Variants in GPN3 observed in about 807,000 individuals in gnomAD.
GPN3 encodes the protein GPN-loop GTPase 3, also known as ATP-binding domain 1 family member C.
A neutral mutation model predicts 38.7 loss-of-function variants in GPN3; 31 were observed. The observed-to-expected ratio is 0.80, with a 90% confidence interval of 0.60 to 1.08. The LOEUF (loss-of-function observed/expected upper bound fraction) is 1.08, where lower values mean the gene tolerates loss of function less well. Ranked by LOEUF, GPN3 falls within the 50% of genes least tolerant of loss-of-function variation. The pLI is 0.00. For synonymous variants in GPN3, 116 were observed against 120.2 expected, an observed-to-expected ratio of 0.96 and a Z score of 0.23; for missense variants, 301 against 354.4, an observed-to-expected ratio of 0.85 and a Z score of 1.21.
At chr12:110,454,388 CTTT>C (rs762868668) in intron 6 of GPN3, among the ~76,000 whole-genome samples, 3 of 134,974 alleles carry the variant, frequency 2.2e-5, no homozygotes, top group African/African-American at 2.7e-5. Context: ...CTTTTTTTTT[CTTT>C]TTTTTTTTTT....
chr12:110,467,541 G>C (rs954705537), intron 1 of GPN3, among the ~76,000 whole-genome samples: 2 of 152,174 alleles, frequency 1.3e-5, no homozygotes, highest in Non-Finnish European at 2.9e-5. Context: ...GAAAAGACCT[G>C]GGGATTAAAG....
rs117293501 is a variant in GPN3, at chr12:110,467,416, C to T, written c.48+740G>A. ...TATCCCTACTGTAAACTGAAAACCACTTATATTTGACATAACGTGAAATTA... is the reference window on the plus strand; with the variant it reads ...TATCCCTACTGTAAACTGAAAACCATTTATATTTGACATAACGTGAAATTA... On this transcript the variant is annotated intron_variant, in intron 1 of 7. Transcript: ENST00000228827. 1.2e-4 allele frequency among the ~76,000 whole-genome samples: 18 copies of T among 152,244 alleles called. No individual in the cohort carries two copies. In the East Asian group the frequency reaches 3.3e-3, roughly 28 times the overall value.
At chr12:110,460,974 T>A in intron 2 of GPN3, 1 of 1,278,578 alleles carries the variant, frequency 7.8e-7, no homozygotes, top group East Asian at 2.3e-5. Flanking sequence ...ACTTTCCAAC[T>A]TGGACCCAGC....
intron 1 of GPN3, among the ~76,000 whole-genome samples, chr12:110,467,723 T>C (rs2062644541): frequency 6.6e-6 from 1 of 152,204 alleles, no homozygotes; most frequent in South Asian, 2.1e-4. Context: ...CAAAAGTCCA[T>C]GTCCCAAGTT....
At chr12:110,457,755 C>A in intron 3 of GPN3, 121 bp from the exon 4 acceptor site, 2 of 579,964 alleles carry the variant, frequency 3.4e-6, no homozygotes, top group South Asian at 2.8e-5. Flanking sequence ...TTTAAGGGGC[C>A]CACAGCCTCT....
At chr12:110,461,402 A>C in intron 2 of GPN3, 1 of 347,176 alleles carries the variant, frequency 2.9e-6, no homozygotes. Flanking sequence ...TATAAAATTG[A>C]AAAAAAAAAA....
At chr12:110,468,716 C>T, upstream of GPN3, 1 of 1,505,832 alleles carries the variant, frequency 6.6e-7, no homozygotes, top group Non-Finnish European at 8.9e-7. Flanking sequence ...GCGCTCCTGC[C>T]CCTCCCCCAC....
Position 110,454,376 on chromosome 12 carries a change from ATCTTTTTTTT to A in GPN3, c.664-515_664-506del, listed in dbSNP as rs576401358. Among the ~76,000 whole-genome samples, 489 of 148,064 alleles carry A rather than the reference ATCTTTTTTTT, an allele frequency of 3.3e-3. 6 individuals are homozygous for A. Among genetic ancestry groups the A allele is most frequent in the Non-Finnish European group, 4.3e-3 (290 of 67,172 alleles). ...TTAGGAAAAAAACCCAAAAAACTTC[ATCTTTTTTTT>A]TCTTTTTTTTTTTTTTTGGGGAGAC... On this transcript the variant is annotated intron_variant, in intron 6 of 7. Transcript: ENST00000228827.
intron 6 of GPN3, 53 bp from the exon 7 acceptor site, chr12:110,453,924 T>G (rs1455840552): frequency 1.4e-6 from 2 of 1,428,890 alleles, no homozygotes; most frequent in Non-Finnish European, 1.9e-6. Flanking sequence ...GCAAAATACA[T>G]AATTTTCAAC....
intron 2 of GPN3, among the ~76,000 whole-genome samples, chr12:110,460,782 T>A (rs1344483522): frequency 6.6e-6 from 1 of 152,100 alleles, no homozygotes; most frequent in Non-Finnish European, 1.5e-5. Context: ...CTGGCGAACA[T>A]GGTGAAGCCC....
intron 5 of GPN3, 36 bp from the exon 6 acceptor site, chr12:110,455,718 C>T (rs754117696): frequency 1.9e-6 from 2 of 1,047,902 alleles, no homozygotes; most frequent in Non-Finnish European, 3.0e-6. Context: ...ATTCAGGAGA[C>T]TAGGTTTATA....
Position 110,453,798 on chromosome 12 carries a change from T to G in GPN3, c.737A>C (p.Gln246Pro). The G allele has an allele frequency of 6.3e-7, 1 of 1,587,556 alleles. No homozygotes were observed. The highest frequency in any genetic ancestry group is 1.1e-5 in the South Asian group (1 of 90,552). ...ATATTGAATGGCAAAATCAATATGC[T>G]GCAATACAATGTTCATGCTTTCTTC... is the stretch of plus-strand genomic sequence containing the variant. Reference protein sequence around the residue: ...SDEESMNIVLQHIDFAIQYGE... With the variant: ...SDEESMNIVLPHIDFAIQYGE... The change falls in exon 7 of 8, where the codon CAG (glutamine) becomes CCG (proline). Residue 246 changes from glutamine (Q) to proline (P), a missense_variant. Gln to Pro is a moderately conservative substitution (Grantham distance 76, BLOSUM62 -1). Transcript: ENST00000228827.
At chr12:110,459,625 T>A in intron 3 of GPN3, 70 bp downstream of exon 3, 3 of 1,018,978 alleles carry the variant, frequency 2.9e-6, no homozygotes, top group Non-Finnish European at 4.6e-6. Flanking sequence ...ATACTCACTC[T>A]CCTTTCTCCT....
intron 1 of GPN3, 83 bp downstream of exon 1, chr12:110,468,073 C>G: frequency 6.2e-7 from 1 of 1,606,432 alleles, no homozygotes; most frequent in Non-Finnish European, 8.5e-7. Context: ...AGTACACACA[C>G]CCGCCGGCTC....
At chr12:110,459,898 C>A in intron 2 of GPN3, 36 bp from the exon 3 acceptor site, 2 of 1,546,372 alleles carry the variant, frequency 1.3e-6, no homozygotes, top group Non-Finnish European at 1.8e-6. Flanking sequence ...ATATATGTGT[C>A]CCTTCAAAAA....
Position 110,455,955 on chromosome 12 carries a change from A to G in GPN3, c.451-25T>C, listed in dbSNP as rs769493676. On this transcript the variant is annotated intron_variant, in intron 4 of 7. Coordinates refer to ENST00000228827, the MANE Select transcript of GPN3 (RefSeq NM_016301.4). ...ACTGAAGGAGGAAACAGAAAAGGGA[A>G]GATGAACTGACTGTTGCCAACAGTT... 1.2e-5 allele frequency: 15 copies of G among 1,206,386 alleles called. No individual in the cohort carries two copies. The South Asian group carries it at 1.4e-4, about 12-fold the overall frequency. 74.7% of individuals were successfully genotyped at this position (1,206,386 alleles called of 1,614,324 possible).
At chr12:110,462,521 C>T (rs2062596500) in intron 2 of GPN3, among the ~76,000 whole-genome samples, 1 of 152,202 alleles carries the variant, frequency 6.6e-6, no homozygotes, top group Non-Finnish European at 1.5e-5. Context: ...TTCCTTACAT[C>T]TCCACCGTGA....
chr12:110,457,457 C>CAAA lies in GPN3; in HGVS notation c.450+50_450+52dup, dbSNP rs56713819. On this transcript the variant is annotated intron_variant, in intron 4 of 7. Coordinates refer to ENST00000228827, the MANE Select transcript of GPN3 (RefSeq NM_016301.4). ...ACAGAGTAAGACTCTGTCACACACA[C>CAAA]AAAAAAAAAAAAAAAAAAAAAAAAA... 6.5e-4 allele frequency: 382 copies of CAAA among 590,576 alleles called. 2 individuals carry two copies. Among genetic ancestry groups the CAAA allele is most frequent in the Middle Eastern group, 1.5e-3 (2 of 1,312 alleles). 36.6% of individuals were successfully genotyped at this position (590,576 alleles called of 1,614,324 possible).
chr12:110,464,591 CT>C (rs890127843), intron 2 of GPN3, among the ~76,000 whole-genome samples: 251 of 134,352 alleles, frequency 1.9e-3, no homozygotes, highest in Middle Eastern at 7.8e-3. Context: ...TGTCCATTTA[CT>C]TTTTTTTTTT....
Sources: gnomAD v4.1 joint callset for allele counts (sites outside exome capture counted in the v4.1 genomes callset) on GRCh38, gnomAD v4.1.1 for gene constraint, MANE v1.5 for transcripts, NCBI Gene and HGNC (gene_info 2026-07-23, HGNC 2026-07-21) for gene names.